Variants in UBE2G1 observed in about 807,000 individuals in gnomAD.
UBE2G1 encodes ubiquitin-conjugating enzyme E2 G1.
UBE2G1 carries 5 observed loss-of-function variants against 22.7 expected under a neutral mutation model. The observed-to-expected ratio is 0.22, with a 90% CI of 0.12 to 0.46. The LOEUF is 0.46. Among genes scored for constraint, UBE2G1 ranks in the 20% least tolerant of loss-of-function variants. UBE2G1 has a pLI of 0.99. For synonymous variants in UBE2G1, 74 were observed against 67.5 expected (o/e 1.10, Z -0.47); for missense variants, 88 against 203.9 (o/e 0.43, Z 3.46).
chr17:4,273,202 T>C (rs1419405637), intron 5 of UBE2G1, among the ~76,000 whole-genome samples: 1 of 152,232 alleles, frequency 6.6e-6, no homozygotes, highest in East Asian at 1.9e-4. Context: ...CCAAGCAGCA[T>C]GCTAAGCGCT....
chr17:4,340,159 G>A (rs1485626972), intron 1 of UBE2G1, among the ~76,000 whole-genome samples: 1 of 152,152 alleles, frequency 6.6e-6, no homozygotes, highest in Non-Finnish European at 1.5e-5. Flanking sequence ...GGGCTCAAGT[G>A]ATCCTCCTAC....
chr17:4,290,875 G>A (rs369039880), intron 3 of UBE2G1, among the ~76,000 whole-genome samples: 6 of 150,728 alleles, frequency 4.0e-5, no homozygotes, highest in African/African-American at 9.8e-5. Context: ...TGCGCTGGCC[G>A]ACAAATACTT....
At chr17:4,330,008 A>G (rs1428862374) in intron 1 of UBE2G1, among the ~76,000 whole-genome samples, 3 of 152,140 alleles carry the variant, frequency 2.0e-5, no homozygotes, top group African/African-American at 4.8e-5. Context: ...GAGTGGAAAG[A>G]CTAGCTTAGC....
At chr17:4,280,396 G>A (rs1268968550) in intron 5 of UBE2G1, among the ~76,000 whole-genome samples, 2 of 131,324 alleles carry the variant, frequency 1.5e-5, no homozygotes, top group Non-Finnish European at 3.1e-5. Context: ...GCCCAGGCTG[G>A]AGTGCAATGA....
At chr17:4,333,779 A>G (rs1427766248) in intron 1 of UBE2G1, among the ~76,000 whole-genome samples, 1 of 152,094 alleles carries the variant, frequency 6.6e-6, no homozygotes, top group Non-Finnish European at 1.5e-5. Flanking sequence ...AGATTGCACC[A>G]CTGCACTCCA....
chr17:4,352,016 C>A (rs1220454010), intron 1 of UBE2G1, among the ~76,000 whole-genome samples: 1 of 152,052 alleles, frequency 6.6e-6, no homozygotes, highest in African/African-American at 2.4e-5. Context: ...CCTGCAATCC[C>A]AGCACTTCGA....
intron 4 of UBE2G1, among the ~76,000 whole-genome samples, chr17:4,286,118 T>G (rs1968960015): frequency 6.6e-6 from 1 of 151,840 alleles, no homozygotes; most frequent in Non-Finnish European, 1.5e-5. Context: ...CAAGTAAGAA[T>G]AGTAAACTGG....
intron 1 of UBE2G1, among the ~76,000 whole-genome samples, chr17:4,312,677 T>A (rs111534610): frequency 9.0e-6 from 1 of 111,210 alleles, no homozygotes; most frequent in Non-Finnish European, 1.7e-5. Context: ...GCCTGGGCGA[T>A]AGAGCAAGAC....
At chr17:4,359,638 A>G (rs1383821832) in intron 1 of UBE2G1, among the ~76,000 whole-genome samples, 1 of 152,188 alleles carries the variant, frequency 6.6e-6, no homozygotes, top group Non-Finnish European at 1.5e-5. Context: ...TGGGAGGCCA[A>G]GGCAGGCCAA....
At chr17:4,314,151 G>C (rs953421924) in intron 1 of UBE2G1, among the ~76,000 whole-genome samples, 1 of 152,190 alleles carries the variant, frequency 6.6e-6, no homozygotes, top group Non-Finnish European at 1.5e-5. Flanking sequence ...GTAGTGCCCA[G>C]AATATGGTTT....
At chr17:4,349,853 A>G (rs1969824098) in intron 1 of UBE2G1, among the ~76,000 whole-genome samples, 1 of 152,002 alleles carries the variant, frequency 6.6e-6, no homozygotes, top group South Asian at 2.1e-4. Flanking sequence ...AAAAAAAAAA[A>G]AAATTACATT....
chr17:4,279,480 T>A (rs948650770), intron 5 of UBE2G1, among the ~76,000 whole-genome samples: 1 of 151,958 alleles, frequency 6.6e-6, no homozygotes, highest in African/African-American at 2.4e-5. Context: ...AAAAATCAAT[T>A]TCAATGGATT....
In UBE2G1 at chr17:4,289,512, C is replaced by A. The variant is rs1315160343; in HGVS notation, c.248-104G>T. On this transcript the variant is annotated intron_variant, in intron 3 of 5. Transcript: ENST00000396981. ...TGATTCACACAGTACCTTTATCAAACATGACACATACGCAGAAGTTAATGT... is the reference window on the plus strand; with the variant it reads ...TGATTCACACAGTACCTTTATCAAAAATGACACATACGCAGAAGTTAATGT... The A allele has an allele frequency of 2.4e-6, 3 of 1,252,384 alleles. No individual in the cohort carries two copies. The African/African-American group carries it at 4.6e-5, about 19-fold the overall frequency. 77.6% of individuals were successfully genotyped at this position (1,252,384 alleles called of 1,614,324 possible).
At chr17:4,277,129 T>C (rs959530311) in intron 5 of UBE2G1, among the ~76,000 whole-genome samples, 8 of 152,202 alleles carry the variant, frequency 5.3e-5, no homozygotes, top group Non-Finnish European at 8.8e-5. Context: ...AACTGCCATG[T>C]TGTGAATTGA....
intron 1 of UBE2G1, among the ~76,000 whole-genome samples, chr17:4,358,929 G>A (rs944878620): frequency 1.3e-5 from 2 of 151,508 alleles, no homozygotes; most frequent in African/African-American, 2.4e-5. Flanking sequence ...TTAAGCCTGG[G>A]CAACAAGAGC....
At chr17:4,312,512 C>T (rs1397154538) in intron 1 of UBE2G1, among the ~76,000 whole-genome samples, 1 of 151,682 alleles carries the variant, frequency 6.6e-6, no homozygotes, top group Non-Finnish European at 1.5e-5. Context: ...CTGGCTAACA[C>T]GGTGAAACCC....
intron 1 of UBE2G1, among the ~76,000 whole-genome samples, chr17:4,317,219 G>C (rs568328205): frequency 6.6e-6 from 1 of 152,124 alleles, no homozygotes; most frequent in Non-Finnish European, 1.5e-5. Flanking sequence ...GCGTGGTAGC[G>C]GGTGCCTCTA....
chr17:4,281,577 T>C (rs1167307655), intron 5 of UBE2G1, among the ~76,000 whole-genome samples: 1 of 152,208 alleles, frequency 6.6e-6, no homozygotes, highest in Admixed American at 6.5e-5. Context: ...AATTTAAATA[T>C]CACGAATAGG....
chr17:4,350,354 G>T (rs184960975), intron 1 of UBE2G1, among the ~76,000 whole-genome samples: 2 of 152,026 alleles, frequency 1.3e-5, no homozygotes, highest in Non-Finnish European at 2.9e-5. Context: ...AGCTACTCAG[G>T]TGGCTGAGGT....
Sources: gnomAD v4.1 joint callset for allele counts (sites outside exome capture counted in the v4.1 genomes callset) on GRCh38, gnomAD v4.1.1 for gene constraint, MANE v1.5 for transcripts, NCBI Gene and HGNC (gene_info 2026-07-23, HGNC 2026-07-21) for gene names.